Variants in NBEA observed in about 807,000 individuals in gnomAD.
NBEA encodes the protein lysosomal-trafficking regulator 2.
In NBEA, 44 loss-of-function variants were observed where a neutral mutation model predicts 343.4. That is an observed-to-expected ratio of 0.13 (90% CI 0.10 to 0.16). The LOEUF (loss-of-function observed/expected upper bound fraction) is 0.16. Ranked by LOEUF, NBEA falls within the 10% of genes least tolerant of loss-of-function variation. The pLI is 1.00. For missense variants in NBEA, 2,555 were observed against 3,631.3 expected (o/e 0.70, Z 7.62); for synonymous variants, 1,175 against 1,238.7 (o/e 0.95, Z 1.08).
chr13:35,303,263 C>T (rs975956822), intron 35 of NBEA, among the ~76,000 whole-genome samples: 5 of 151,916 alleles, frequency 3.3e-5, no homozygotes, highest in South Asian at 2.1e-4. Context: ...ATTGTTCATC[C>T]GTAGTAGTAT....
intron 10 of NBEA, among the ~76,000 whole-genome samples, chr13:35,088,092 A>G (rs1566265859): frequency 6.6e-6 from 1 of 151,864 alleles, no homozygotes; most frequent in Non-Finnish European, 1.5e-5. Flanking sequence ...TTAGTGTCAG[A>G]CAGGAATCTA....
chr13:35,630,601 T>G (rs2083406614), intron 49 of NBEA, among the ~76,000 whole-genome samples: 1 of 152,202 alleles, frequency 6.6e-6, no homozygotes, highest in Non-Finnish European at 1.5e-5. Flanking sequence ...CACTCAGGTT[T>G]CATTAGAGAG....
intron 40 of NBEA, 117 bp downstream of exon 40, chr13:35,452,352 A>G (rs2046351707): frequency 2.7e-6 from 2 of 730,140 alleles, no homozygotes; most frequent in Admixed American, 2.9e-5. Context: ...GCTCAATCAC[A>G]TGAATGTTAA....
chr13:35,173,465 T>A lies in NBEA; in HGVS notation c.4425T>A (p.Val1475=), dbSNP rs2152723971. Residue 1475 remains valine (V), a splice_region_variant and synonymous_variant, in exon 27 of 59, where the codon GTT becomes GTA. Coordinates refer to ENST00000379939, the MANE Select transcript of NBEA (RefSeq NM_001385012.1). The part of the protein sequence containing the change: ...GGLMRQCLRL[V]CCVAVRNCLE... The stretch of plus-strand genomic sequence containing the variant: ...ATATGTTTTTGAATTTTTAAATAGT[T>A]TGTTGTGTTGCTGTGAGAAACTGTT... The A allele has an allele frequency of 1.3e-6, 2 of 1,597,764 alleles. No individual in the cohort carries two copies. The highest frequency in any genetic ancestry group is 1.7e-4 in the Middle Eastern group (1 of 5,996).
intron 23 of NBEA, 111 bp from the exon 24 acceptor site, chr13:35,164,245 T>TA (rs2069813136): frequency 2.2e-6 from 2 of 899,484 alleles, no homozygotes; most frequent in Non-Finnish European, 3.2e-6. Flanking sequence ...AATTTAATTT[T>TA]AAATATAGCT....
At chr13:35,307,857 G>A (rs1008998922) in intron 35 of NBEA, among the ~76,000 whole-genome samples, 6 of 151,958 alleles carry the variant, frequency 3.9e-5, no homozygotes, top group Non-Finnish European at 2.9e-5. Flanking sequence ...GTAAACATTT[G>A]GGAAAAGAAA....
intron 36 of NBEA, among the ~76,000 whole-genome samples, chr13:35,337,114 A>T (rs77422750): frequency 6.6e-6 from 1 of 152,126 alleles, no homozygotes. Flanking sequence ...AATAAATAAG[A>T]CATATTGAAA....
intron 1 of NBEA, among the ~76,000 whole-genome samples, chr13:34,968,714 T>G (rs187864892): frequency 5.8e-4 from 89 of 152,296 alleles, no homozygotes; most frequent in African/African-American, 2.0e-3. Flanking sequence ...TTTGAACTGT[T>G]TCTTCTATTT....
intron 33 of NBEA, among the ~76,000 whole-genome samples, chr13:35,227,607 GTTTTCTTATTAT>G (rs1487707613): frequency 6.6e-6 from 1 of 151,772 alleles, no homozygotes; most frequent in Non-Finnish European, 1.5e-5. Flanking sequence ...TTTGTTCTAT[GTTTTCTTATTAT>G]AAACTACCTA....
At chr13:35,626,698 TAGAG>T (rs1386158930) in intron 48 of NBEA, among the ~76,000 whole-genome samples, 2 of 152,190 alleles carry the variant, frequency 1.3e-5, no homozygotes, top group East Asian at 1.9e-4. Flanking sequence ...TGAATAGTTA[TAGAG>T]AATTGACAAA....
intron 35 of NBEA, among the ~76,000 whole-genome samples, chr13:35,298,209 G>GTATATA (rs1462332460): frequency 7.6e-4 from 46 of 60,812 alleles, no homozygotes; most frequent in African/African-American, 1.7e-3. Context: ...GTGTGTGTGT[G>GTATATA]TGTATATATA....
At chr13:35,612,346 G>C (rs1566408025) in intron 48 of NBEA, among the ~76,000 whole-genome samples, 1 of 151,898 alleles carries the variant, frequency 6.6e-6, no homozygotes, top group Non-Finnish European at 1.5e-5. Flanking sequence ...GTTAGCCAGA[G>C]TGGTCTCGAT....
At chr13:34,980,386 A>G (rs748963011) in intron 1 of NBEA, among the ~76,000 whole-genome samples, 1 of 151,736 alleles carries the variant, frequency 6.6e-6, no homozygotes, top group Non-Finnish European at 1.5e-5. Context: ...TCTTCCAGCA[A>G]TGTTTTCTGG....
chr13:35,198,502 C>T (rs1047908828), intron 31 of NBEA, among the ~76,000 whole-genome samples: 4 of 152,028 alleles, frequency 2.6e-5, no homozygotes, highest in Admixed American at 6.6e-5. Context: ...CACCTGAGTG[C>T]TAATATTCTT....
At chr13:35,154,711 G>T (rs661387) in intron 18 of NBEA, among the ~76,000 whole-genome samples, 1 of 152,124 alleles carries the variant, frequency 6.6e-6, no homozygotes, top group South Asian at 2.1e-4. Context: ...AAATGTTTTA[G>T]AATTTTCTCT....
Position 35,593,330 on chromosome 13 carries a change from A to G in NBEA, c.7179A>G (p.Glu2393=). ...TSTLSWLVRI[E]PFTTFFLNAN... Reference sequence around the variant, plus strand: ...TCTGATTCTGTTTTTTTGCTTAGGAACCTTTCACAACCTTCTTCCTCAATG... The same window carrying G: ...TCTGATTCTGTTTTTTTGCTTAGGAGCCTTTCACAACCTTCTTCCTCAATG... Residue 2393 remains glutamate (E), a splice_region_variant and synonymous_variant, in exon 47 of 59, where the codon GAA becomes GAG. Transcript: ENST00000379939. 1 of 1,611,942 alleles carries G rather than the reference A, an allele frequency of 6.2e-7. No individual in the cohort carries two copies.
intron 38 of NBEA, among the ~76,000 whole-genome samples, chr13:35,415,459 C>T (rs1194214843): frequency 2.6e-5 from 4 of 152,156 alleles, no homozygotes; most frequent in Non-Finnish European, 5.9e-5. Flanking sequence ...TATGGTTAGC[C>T]AGTTTTCCCA....
At chr13:35,633,016 G>GGA (rs2083526168) in intron 49 of NBEA, among the ~76,000 whole-genome samples, 1 of 117,378 alleles carries the variant, frequency 8.5e-6, no homozygotes, top group African/African-American at 3.1e-5. Flanking sequence ...GTCTTATTTT[G>GGA]AAAAAAAAAA....
intron 1 of NBEA, among the ~76,000 whole-genome samples, chr13:34,955,513 T>C (rs1220490446): frequency 6.6e-6 from 1 of 151,980 alleles, no homozygotes; most frequent in Non-Finnish European, 1.5e-5. Context: ...AGACGTCTTG[T>C]GAAAGGGATC....
Sources: gnomAD v4.1 joint callset for allele counts (sites outside exome capture counted in the v4.1 genomes callset) on GRCh38, gnomAD v4.1.1 for gene constraint, MANE v1.5 for transcripts, NCBI Gene and HGNC (gene_info 2026-07-23, HGNC 2026-07-21) for gene names.